IMMP2L: variants seen among roughly 807,000 people sequenced by gnomAD.
The protein encoded by IMMP2L is mitochondrial inner membrane protease subunit 2.
A neutral mutation model predicts 19.3 loss-of-function variants in IMMP2L; 18 were observed. The observed-to-expected ratio is 0.93, with a 90% confidence interval of 0.64 to 1.38. IMMP2L has a LOEUF of 1.38. IMMP2L is among the 40% of genes most tolerant of loss of function. The probability of loss-of-function intolerance (pLI) is 0.00; values close to 1 mark genes in which losing one functional copy is unlikely to be tolerated. For synonymous variants in IMMP2L, 76 were observed against 73.0 expected (o/e 1.04, Z -0.21); for missense variants, 233 against 218.2 (o/e 1.07, Z -0.43).
intron 5 of IMMP2L, among the ~76,000 whole-genome samples, chr7:110,722,485 T>G (rs1258372067): frequency 6.6e-6 from 1 of 152,082 alleles, no homozygotes. Flanking sequence ...GAGCTAAAAG[T>G]CACTGTCACA....
rs1300458841 is a variant in IMMP2L, at chr7:110,758,591, G to A, written c.409-94870C>T. Among the ~76,000 whole-genome samples the A allele has an allele frequency of 6.6e-6, 1 of 152,026 alleles. No homozygotes were observed. The highest frequency in any genetic ancestry group is 1.5e-5 in the Non-Finnish European group (1 of 67,996). On this transcript the variant is annotated intron_variant, in intron 5 of 5. Transcript: ENST00000405709. The surrounding 1 kb of genome is among the most constrained non-coding windows in gnomAD (Gnocchi z 4.6). ...AGGGCATGTGACATTGAGCTATTTA[G>A]CAGATAATAATCAATCAATATTGAC...
At chr7:111,282,267 T>A (rs77026734) in intron 3 of IMMP2L, among the ~76,000 whole-genome samples, 3,078 of 152,248 alleles carry the variant, frequency 0.02, 99 homozygotes, top group African/African-American at 0.069. Context: ...GTTAAACAAA[T>A]TTTTTAAGGC....
intron 4 of IMMP2L, among the ~76,000 whole-genome samples, chr7:110,918,647 G>T (rs775178967): frequency 1.3e-5 from 2 of 151,478 alleles, no homozygotes; most frequent in South Asian, 2.1e-4. Flanking sequence ...GTAGAGACAG[G>T]GTTTCACCAT....
At chr7:110,909,103 T>C (rs2129548136) in intron 4 of IMMP2L, among the ~76,000 whole-genome samples, 1 of 152,160 alleles carries the variant, frequency 6.6e-6, no homozygotes, top group East Asian at 1.9e-4. Context: ...TGAGAGCGTA[T>C]GCCAAGATCC....
chr7:111,120,552 C>T lies in IMMP2L; in HGVS notation c.240-156987G>A, dbSNP rs146599591. 5.3e-4 allele frequency among the ~76,000 whole-genome samples: 81 copies of T among 152,212 alleles called. 1 individual carries two copies. In the East Asian group the frequency reaches 0.015, roughly 28 times the overall value. On this transcript the variant is annotated intron_variant, in intron 3 of 5. Coordinates refer to ENST00000405709, the MANE Select transcript of IMMP2L (RefSeq NM_032549.4). ...AGATTTGGGCGGGGACACAGCCAAA[C>T]CATATCAGTGATGTAATAAAATTGT...
At chr7:111,465,274 G>C (rs943009679) in intron 3 of IMMP2L, among the ~76,000 whole-genome samples, 1 of 151,780 alleles carries the variant, frequency 6.6e-6, no homozygotes, top group African/African-American at 2.4e-5. Context: ...TCAAGATTCT[G>C]ATAAATCATC....
At chr7:110,834,644 T>C (rs923437478) in intron 5 of IMMP2L, among the ~76,000 whole-genome samples, 12 of 152,184 alleles carry the variant, frequency 7.9e-5, no homozygotes, top group Non-Finnish European at 1.8e-4. Context: ...GTTTAGTATT[T>C]GCTGTACAAT....
chr7:110,721,481 C>T (rs1415671392), intron 5 of IMMP2L, among the ~76,000 whole-genome samples: 3 of 151,886 alleles, frequency 2.0e-5, no homozygotes, highest in Non-Finnish European at 4.4e-5. Flanking sequence ...ATGAAAATAT[C>T]ATATAGGTTT....
intron 4 of IMMP2L, among the ~76,000 whole-genome samples, chr7:110,906,061 C>A (rs978977948): frequency 1.3e-5 from 2 of 152,158 alleles, no homozygotes; most frequent in African/African-American, 4.8e-5. Flanking sequence ...CAGAACGATT[C>A]TAGATTTTTA....
chr7:110,845,477 G>A (rs1805569793), intron 5 of IMMP2L, among the ~76,000 whole-genome samples: 1 of 151,892 alleles, frequency 6.6e-6, no homozygotes, highest in African/African-American at 2.4e-5. Context: ...ATGACTTAAG[G>A]GCCCGGGGTA....
chr7:111,275,768 G>C (rs1818961680), intron 3 of IMMP2L, among the ~76,000 whole-genome samples: 1 of 152,030 alleles, frequency 6.6e-6, no homozygotes, highest in Non-Finnish European at 1.5e-5. Context: ...TCACTTCCTT[G>C]ATTAAATATA....
intron 3 of IMMP2L, among the ~76,000 whole-genome samples, chr7:111,485,161 T>C (rs1433772740): frequency 6.6e-6 from 1 of 152,096 alleles, no homozygotes; most frequent in East Asian, 1.9e-4. Context: ...AAAGCAACAA[T>C]ATTGCTTCAC....
intron 3 of IMMP2L, among the ~76,000 whole-genome samples, chr7:111,307,794 A>G (rs1381873424): frequency 1.3e-5 from 2 of 151,802 alleles, no homozygotes; most frequent in Non-Finnish European, 2.9e-5. Flanking sequence ...CCATAGCAAT[A>G]CAATTTTTAT....
At chr7:110,829,066 A>G (rs1280761182) in intron 5 of IMMP2L, among the ~76,000 whole-genome samples, 4 of 152,108 alleles carry the variant, frequency 2.6e-5, no homozygotes, top group Admixed American at 1.3e-4. Context: ...CTTGTATATC[A>G]CATTGTTCAA....
chr7:110,705,770 C>A (rs1794631837), intron 5 of IMMP2L, among the ~76,000 whole-genome samples: 1 of 151,874 alleles, frequency 6.6e-6, no homozygotes, highest in African/African-American at 2.4e-5. Flanking sequence ...TCCCCAGTGT[C>A]TATTCTTGCC....
intron 5 of IMMP2L, among the ~76,000 whole-genome samples, chr7:110,741,329 G>A (rs1424334441): frequency 6.6e-6 from 1 of 152,146 alleles, no homozygotes; most frequent in Non-Finnish European, 1.5e-5. Context: ...CAAATAAATT[G>A]ATGAATAAAA....
At chr7:110,729,359 G>A (rs1429545300) in intron 5 of IMMP2L, among the ~76,000 whole-genome samples, 2 of 152,190 alleles carry the variant, frequency 1.3e-5, no homozygotes, top group African/African-American at 4.8e-5. Flanking sequence ...GCAGGAGACA[G>A]ACAGCGCATG....
At chr7:110,882,311 T>C (rs1809736807) in intron 5 of IMMP2L, among the ~76,000 whole-genome samples, 1 of 108,438 alleles carries the variant, frequency 9.2e-6, no homozygotes, top group Admixed American at 9.9e-5. Flanking sequence ...CTTCCTTCCT[T>C]CCTTCCTTCC....
chr7:110,694,633 G>C (rs1415249151), intron 5 of IMMP2L, among the ~76,000 whole-genome samples: 3 of 152,118 alleles, frequency 2.0e-5, no homozygotes, highest in East Asian at 3.9e-4. Flanking sequence ...GAGAGCGAGA[G>C]AAAGAGGAGG....
Sources: allele counts gnomAD v4.1 joint callset (sites outside exome capture counted in the v4.1 genomes callset), GRCh38; gene constraint gnomAD v4.1.1; non-coding constraint Gnocchi (gnomAD v3.1); transcripts MANE v1.5; gene names NCBI Gene and HGNC (gene_info 2026-07-23, HGNC 2026-07-21).